Variants in RYR3 observed in about 807,000 individuals in gnomAD.
RYR3 encodes the protein brain ryanodine receptor-calcium release channel.
In RYR3, 207 loss-of-function variants were observed where a neutral mutation model predicts 584.3. The observed-to-expected ratio is 0.35, with a 90% CI of 0.32 to 0.40. The LOEUF (loss-of-function observed/expected upper bound fraction) is 0.40, where lower values mean the gene tolerates loss of function less well. Among genes scored for constraint, RYR3 ranks in the 10% least tolerant of loss-of-function variants. The pLI is 1.00. For synonymous variants in RYR3, 2,416 were observed against 2,248.5 expected, an observed-to-expected ratio of 1.07 and a Z score of -2.11; for missense variants, 5,616 against 6,089.2, an observed-to-expected ratio of 0.92 and a Z score of 2.59.
At chr15:33,742,626 C>T (rs1156734005) in intron 52 of RYR3, among the ~76,000 whole-genome samples, 182 bp downstream of exon 52, 1 of 152,228 alleles carries the variant, frequency 6.6e-6, no homozygotes, top group African/African-American at 2.4e-5. Context: ...TAGGTGACAG[C>T]AGCTGCTGGT....
At chr15:33,833,602 G>C (rs2077836359) in intron 86 of RYR3, among the ~76,000 whole-genome samples, 1 of 152,200 alleles carries the variant, frequency 6.6e-6, no homozygotes, top group Non-Finnish European at 1.5e-5. Context: ...CATCTGATTT[G>C]ATCTCTGCAA....
chr15:33,831,137 G>A (rs773855440), intron 86 of RYR3, 46 bp downstream of exon 86: 2 of 1,567,952 alleles, frequency 1.3e-6, no homozygotes, highest in African/African-American at 2.7e-5. Flanking sequence ...GAACATTGTT[G>A]ATATGCCTGT....
rs567375805 is a variant in RYR3, at chr15:33,813,557, G to A, written c.10480G>A (p.Ala3494Thr). Residue 3494 changes from alanine to threonine, a missense_variant, in exon 74 of 104, where the codon GCC becomes ACC. Physicochemically the swap from Ala to Thr is moderately conservative, Grantham distance 58. Transcript: ENST00000634891. ...KRAVVACFRM[A>T]PLYNLPRHRS... ...GGCAGTGGTGGCCTGTTTCAGGATG[G>A]CCCCTCTCTACAACCTGCCCAGGCA... 1.1e-5 allele frequency: 18 copies of A among 1,613,892 alleles called. No homozygotes were observed. In the East Asian group the frequency reaches 3.6e-4, roughly 32 times the overall value.
Position 33,739,949 on chromosome 15 carries a change from G to T in RYR3, c.7774G>T (p.Val2592Leu), listed in dbSNP as rs764854998. The T allele has an allele frequency of 1.9e-6, 3 of 1,613,938 alleles. No homozygotes were observed. Residue 2592 changes from valine to leucine, a missense_variant, in exon 51 of 104, where the codon GTG (valine) becomes TTG (leucine). By Grantham distance (32) the Val-to-Leu change is conservative. This residue lies in a region of RYR3 where 1,280 missense variants were observed against 1,426.2 expected (regional missense o/e 0.90). Coordinates refer to ENST00000634891, the MANE Select transcript of RYR3 (RefSeq NM_001036.6). ...AGCCACGTTGGAGAAACAGATCTCA[G>T]TGGATGCGGATGGCAACTTTGACCC... Reference protein sequence around the residue: ...ITATLEKQISVDADGNFDPKP... With the variant: ...ITATLEKQISLDADGNFDPKP...
chr15:33,676,899 G>A (rs1438657371), intron 38 of RYR3, among the ~76,000 whole-genome samples: 1 of 152,158 alleles, frequency 6.6e-6, no homozygotes, highest in Admixed American at 6.5e-5. Flanking sequence ...TCTTTTGGTA[G>A]CCTGTGCTTT....
At chr15:33,503,492 G>A (rs373983147) in intron 2 of RYR3, 139 bp from the exon 3 acceptor site, 24 of 612,054 alleles carry the variant, frequency 3.9e-5, no homozygotes, top group African/African-American at 3.9e-4. Flanking sequence ...TTGAACAGGA[G>A]AAAGCCACCT....
chr15:33,355,602 C>T (rs990554084), intron 1 of RYR3, among the ~76,000 whole-genome samples: 11 of 152,166 alleles, frequency 7.2e-5, no homozygotes, highest in Admixed American at 4.6e-4. Context: ...TTCTCTTCTG[C>T]CATATTTTCT....
intron 1 of RYR3, among the ~76,000 whole-genome samples, chr15:33,328,722 G>A (rs1396544770): frequency 1.3e-5 from 2 of 152,138 alleles, no homozygotes; most frequent in Non-Finnish European, 2.9e-5. Flanking sequence ...TTGAATGCCT[G>A]AATCATTTTG....
intron 1 of RYR3, among the ~76,000 whole-genome samples, chr15:33,455,176 T>C (rs1429586383): frequency 2.0e-5 from 3 of 152,118 alleles, no homozygotes; most frequent in African/African-American, 7.2e-5. Context: ...TGTGGGTGAA[T>C]GATGACACCT....
At chr15:33,492,252 T>C (rs990817855) in intron 2 of RYR3, among the ~76,000 whole-genome samples, 1 of 152,130 alleles carries the variant, frequency 6.6e-6, no homozygotes, top group African/African-American at 2.4e-5. Flanking sequence ...GCTCAGGTAG[T>C]ATGAGACAGT....
chr15:33,449,786 C>T lies in RYR3; in HGVS notation c.52-23633C>T, dbSNP rs890027513. 7.2e-5 allele frequency among the ~76,000 whole-genome samples: 11 copies of T among 152,150 alleles called. No homozygotes were observed. In the South Asian group the frequency reaches 1.5e-3, roughly 20 times the overall value. On this transcript the variant is annotated intron_variant, in intron 1 of 103. Coordinates refer to ENST00000634891, the MANE Select transcript of RYR3 (RefSeq NM_001036.6). The stretch of plus-strand genomic sequence containing the variant: ...AGGGTAGGTCAGTCATTTTCGAGCA[C>T]GGATCTCTTTGCTTCAAAGACGGTG...
intron 18 of RYR3, among the ~76,000 whole-genome samples, chr15:33,605,637 A>G (rs2059868826): frequency 6.6e-6 from 1 of 152,176 alleles, no homozygotes; most frequent in Non-Finnish European, 1.5e-5. Context: ...ACCAAAACCC[A>G]AAGCTTTCCT....
intron 64 of RYR3, among the ~76,000 whole-genome samples, chr15:33,774,630 A>G (rs1329051264): frequency 6.6e-5 from 10 of 152,240 alleles, no homozygotes; most frequent in Admixed American, 5.9e-4. Context: ...CTGTTTCTTC[A>G]TAATCACGGC....
Position 33,816,872 on chromosome 15 carries a change from A to G in RYR3, c.10513A>G (p.Ile3505Val), listed in dbSNP as rs751407420. 3.1e-6 allele frequency: 5 copies of G among 1,611,620 alleles called. No individual in the cohort carries two copies. The African/African-American group carries it at 4.0e-5, about 13-fold the overall frequency. The change falls in exon 75 of 104, where the codon ATT (isoleucine) becomes GTT (valine). Residue 3505 changes from isoleucine to valine, a missense_variant. Ile to Val is a conservative substitution (Grantham distance 29, BLOSUM62 3). This residue lies in a region of RYR3 where 954 missense variants were observed against 1,132.2 expected (regional missense o/e 0.84). Transcript: ENST00000634891. ...PLYNLPRHRS[I>V]NLFLHGYQRF... ...ACCCCTTCCGCTCAGGCACCGCTCT[A>G]TTAACCTCTTCCTCCATGGCTATCA...
chr15:33,483,138 T>G (rs1379332913), intron 2 of RYR3, among the ~76,000 whole-genome samples: 1 of 152,166 alleles, frequency 6.6e-6, no homozygotes, highest in Non-Finnish European at 1.5e-5. Flanking sequence ...AGGTTTCTGT[T>G]TATTTTCTAA....
intron 1 of RYR3, among the ~76,000 whole-genome samples, chr15:33,435,453 C>A (rs536045031): frequency 1.3e-5 from 2 of 152,172 alleles, no homozygotes; most frequent in East Asian, 3.9e-4. Flanking sequence ...GTTTGGGGCT[C>A]TGGATATGTG....
chr15:33,858,018 T>C, intron 99 of RYR3, 104 bp downstream of exon 99: 1 of 1,425,618 alleles, frequency 7.0e-7, no homozygotes, highest in Non-Finnish European at 9.5e-7. Context: ...TTGAGAACTG[T>C]AGAGTTAGTT....
At chr15:33,856,374 CCAGCT>C (rs1323225617) in intron 98 of RYR3, 1 of 152,212 alleles carries the variant, frequency 6.6e-6, no homozygotes, top group African/African-American at 2.4e-5. Context: ...TTCCTATCTC[CCAGCT>C]CAATGCCTAG....
chr15:33,589,170 A>C (rs968716190), intron 16 of RYR3, among the ~76,000 whole-genome samples: 1 of 152,158 alleles, frequency 6.6e-6, no homozygotes, highest in African/African-American at 2.4e-5. Flanking sequence ...TGTTAAGATG[A>C]CATCTCATAG....
Sources: gnomAD v4.1 joint callset for allele counts (sites outside exome capture counted in the v4.1 genomes callset) on GRCh38, gnomAD v4.1.1 for gene constraint, gnomAD v4.1.1 regional missense constraint, MANE v1.5 for transcripts, NCBI Gene and HGNC (gene_info 2026-07-23, HGNC 2026-07-21) for gene names.